Variants in ZBTB17 observed in about 807,000 individuals in gnomAD.
ZBTB17 encodes the protein zinc finger and BTB domain-containing protein 17.
ZBTB17 carries 24 observed loss-of-function variants against 85.1 expected under a neutral mutation model. The observed-to-expected ratio is 0.28, with a 90% CI of 0.20 to 0.40. The LOEUF (loss-of-function observed/expected upper bound fraction) is 0.40, where lower values mean the gene tolerates loss of function less well. Among genes scored for constraint, ZBTB17 ranks in the 10% least tolerant of loss-of-function variants. ZBTB17 has a pLI of 1.00. For missense variants in ZBTB17, 743 were observed against 1,105.1 expected, an observed-to-expected ratio of 0.67 and a Z score of 4.65; for synonymous variants, 464 against 460.2, an observed-to-expected ratio of 1.01 and a Z score of -0.11.
rs1459399652 is a variant in ZBTB17 at position 15,971,531 on chromosome 1, CTATATATATACACACACACTATA to C, written c.-3+1485_-3+1507del. On this transcript the variant is annotated intron_variant, in intron 2 of 15. Transcript: ENST00000375743. ...CACACACTATATATATACACACACA[CTATATATATACACACACACTATA>C]TATATACACACACACTATATATATA... Among the ~76,000 whole-genome samples, 297 of 136,622 alleles carry C rather than the reference CTATATATATACACACACACTATA, an allele frequency of 2.2e-3. 3 individuals are homozygous for C. The highest frequency in any genetic ancestry group is 3.6e-3 in the Non-Finnish European group (228 of 64,056). 89.6% of individuals were successfully genotyped at this position (136,622 alleles called of 152,430 possible). A position where few individuals can be genotyped will look rare whatever the true frequency, so the allele number is the denominator to read the frequency against.
Position 15,944,708 on chromosome 1 carries a change from C to T in ZBTB17, c.1059G>A (p.Glu353=). 3.7e-6 allele frequency: 6 copies of T among 1,608,874 alleles called. No homozygotes were observed. Among genetic ancestry groups the T allele is most frequent in the Non-Finnish European group, 4.2e-6 (5 of 1,179,876 alleles). Residue 353 remains glutamate (E), a synonymous_variant, in exon 8 of 16, where the codon GAG becomes GAA. Coordinates refer to ENST00000375743, the MANE Select transcript of ZBTB17 (RefSeq NM_003443.3). ...FSDPAACKAH[E]KTHSPLKPYG... ...GCTTGGGGCAGTACCTGTGCGTCTT[C>T]TCATGGGCCTTGCACGCGGCCGGGT... is the stretch of plus-strand genomic sequence containing the variant.
At chr1:15,950,764 T>A (rs1016131913) in intron 2 of ZBTB17, among the ~76,000 whole-genome samples, 8 of 152,032 alleles carry the variant, frequency 5.3e-5, no homozygotes, top group Admixed American at 5.2e-4. Flanking sequence ...AGGAAAACCA[T>A]CTGACTTGCC....
Position 15,942,376 on chromosome 1 carries a change from G to C in ZBTB17, c.2083C>G (p.Leu695Val). The C allele has an allele frequency of 1.9e-6, 3 of 1,613,882 alleles. No homozygotes were observed. The highest frequency in any genetic ancestry group is 2.5e-6 in the Non-Finnish European group (3 of 1,180,042). Residue 695 changes from leucine to valine, a missense_variant, in exon 15 of 16, where the codon CTG becomes GTG. Coordinates refer to ENST00000375743, the MANE Select transcript of ZBTB17 (RefSeq NM_003443.3). ...AAVTADETEV[L>V]KAEISKAVKQ... ...ACAGCTTTGCTGATCTCGGCCTTCA[G>C]GACTTCCGTCTCATCGGCTGTCACT...
intron 2 of ZBTB17, among the ~76,000 whole-genome samples, chr1:15,957,851 C>G (rs900621539): frequency 1.3e-5 from 2 of 152,074 alleles, no homozygotes; most frequent in African/African-American, 4.8e-5. Flanking sequence ...AGACACTGGC[C>G]CAGTGGCGGT....
In ZBTB17 at chr1:15,945,040, T is replaced by G; in HGVS notation, c.824A>C (p.Asp275Ala). The change falls in exon 7 of 16, where the codon GAC (aspartate) becomes GCC (alanine). Residue 275 changes from aspartate (D) to alanine (A), a missense_variant. Transcript: ENST00000375743. ...ENENEESAGT[D>A]SGQELGSEAR... is the part of the protein sequence containing the mutation. ...CTCGGAGCCGAGCTCCTGCCCCGAGTCTGTGCCCGCTGACTCCTCATTCTC... is the reference window on the plus strand; with the variant it reads ...CTCGGAGCCGAGCTCCTGCCCCGAGGCTGTGCCCGCTGACTCCTCATTCTC... 1 of 1,609,218 alleles carries G rather than the reference T, an allele frequency of 6.2e-7. No individual in the cohort carries two copies. Among genetic ancestry groups the G allele is most frequent in the Non-Finnish European group, 8.5e-7 (1 of 1,178,634 alleles).
At chr1:15,955,507 C>G (rs1360960687) in intron 2 of ZBTB17, among the ~76,000 whole-genome samples, 1 of 152,154 alleles carries the variant, frequency 6.6e-6, no homozygotes, top group African/African-American at 2.4e-5. Context: ...TCACTGCTAT[C>G]TCTACACAGT....
At chr1:15,969,835 T>C (rs2072579891) in intron 2 of ZBTB17, 2 of 557,736 alleles carry the variant, frequency 3.6e-6, no homozygotes, top group South Asian at 3.1e-5. Context: ...CACCATGCTG[T>C]TTTTTATCAT....
intron 2 of ZBTB17, among the ~76,000 whole-genome samples, chr1:15,957,496 C>T (rs1355063771): frequency 6.6e-6 from 1 of 151,920 alleles, no homozygotes; most frequent in Non-Finnish European, 1.5e-5. Flanking sequence ...GGGCTGAGCT[C>T]GCCCAGGGTC....
rs776018191 is a variant in ZBTB17, at chr1:15,944,684, C to T, written c.1070+13G>A. The T allele has an allele frequency of 6.2e-6, 10 of 1,605,556 alleles. No homozygotes were observed. Among genetic ancestry groups the T allele is most frequent in the Non-Finnish European group, 8.5e-6 (10 of 1,179,762 alleles). On this transcript the variant is annotated intron_variant, in intron 8 of 15. Coordinates refer to ENST00000375743, the MANE Select transcript of ZBTB17 (RefSeq NM_003443.3). ...GGCAGGGGCCGGGGTAGGAGGCCGGCTTGGGGCAGTACCTGTGCGTCTTCT... is the reference window on the plus strand; with the variant it reads ...GGCAGGGGCCGGGGTAGGAGGCCGGTTTGGGGCAGTACCTGTGCGTCTTCT...
At chr1:15,969,987 C>T (rs1401502629) in intron 2 of ZBTB17, 4 of 850,702 alleles carry the variant, frequency 4.7e-6, no homozygotes, top group African/African-American at 1.7e-5. Flanking sequence ...AGAGAAGCTA[C>T]AAAATATGTT....
rs1444737590 is a variant in ZBTB17, at chr1:15,943,919, G to A, written c.1372-24C>T. 2.5e-6 allele frequency: 4 copies of A among 1,572,768 alleles called. No homozygotes were observed. In the African/African-American group the frequency reaches 5.4e-5, roughly 21 times the overall value. On this transcript the variant is annotated intron_variant, in intron 9 of 15. Transcript: ENST00000375743. ...ACCTGTGCCCAGGGAGGGGTCAGGG[G>A]GGCCACCCCACAGAGCTCGGCCCCG...
chr1:15,962,673 C>T (rs1377513431), intron 2 of ZBTB17, among the ~76,000 whole-genome samples: 2 of 152,224 alleles, frequency 1.3e-5, no homozygotes, highest in Non-Finnish European at 2.9e-5. Context: ...AAACAGAATA[C>T]CGGGTTCAAC....
At position 15,941,992 on chromosome 1, in the gene ZBTB17, C is replaced by T. The variant is rs757257242; in HGVS notation, c.2389G>A (p.Glu797Lys). The change falls in exon 16 of 16, where the codon GAA becomes AAA. Residue 797 changes from glutamate to lysine, a missense_variant. Physicochemically the swap from Glu to Lys is moderately conservative, Grantham distance 56. This residue lies in a region of ZBTB17 where 69 missense variants were observed against 77.0 expected (regional missense o/e 0.90). Coordinates refer to ENST00000375743, the MANE Select transcript of ZBTB17 (RefSeq NM_003443.3). ...ALAETSPTAP[E>K]CPPPAE is the part of the protein sequence containing the mutation. Reference sequence around the variant, plus strand: ...GCTCACTCGGCAGGCGGGGGACATTCAGGAGCTGTAGGGGAGGTCTCTGCC... The same window carrying T: ...GCTCACTCGGCAGGCGGGGGACATTTAGGAGCTGTAGGGGAGGTCTCTGCC... 3 of 1,600,076 alleles carry T rather than the reference C, an allele frequency of 1.9e-6. No individual in the cohort carries two copies.
Position 15,966,389 on chromosome 1 carries a change from AT to A in ZBTB17, c.-3+6649del, listed in dbSNP as rs149687393. ...CCTTTCAAGACCAGAAGCTGAGTAGATTTTTGATGTTACAATGAACCCACTA... is the reference window on the plus strand; with the variant it reads ...CCTTTCAAGACCAGAAGCTGAGTAGATTTTGATGTTACAATGAACCCACTA... On this transcript the variant is annotated intron_variant, in intron 2 of 15. Coordinates refer to ENST00000375743, the MANE Select transcript of ZBTB17 (RefSeq NM_003443.3). This position sits in a 1 kb window ranked among gnomAD's most constrained non-coding sequence, Gnocchi z 4.1. 0.063 allele frequency among the ~76,000 whole-genome samples: 9,656 copies of A among 152,122 alleles called. 371 individuals carry two copies. Among genetic ancestry groups the A allele is most frequent in the Non-Finnish European group, 0.074 (5,050 of 67,990 alleles).
rs1475335299 is a variant in ZBTB17 at position 15,964,196 on chromosome 1, CAATT to C, written c.-3+8839_-3+8842del. Among the ~76,000 whole-genome samples, 1 of 151,700 alleles carries C rather than the reference CAATT, an allele frequency of 6.6e-6. No individual in the cohort carries two copies. Among genetic ancestry groups the C allele is most frequent in the Non-Finnish European group, 1.5e-5 (1 of 67,948 alleles). On this transcript the variant is annotated intron_variant, in intron 2 of 15. Coordinates refer to ENST00000375743, the MANE Select transcript of ZBTB17 (RefSeq NM_003443.3). The surrounding 1 kb of genome is among the most constrained non-coding windows in gnomAD (Gnocchi z 4.3). The stretch of plus-strand genomic sequence containing the variant: ...ATAAAAGTGGAAGAGAAAGTGATAG[CAATT>C]AAAGTGTTCTCAGGTCCTCACTGTT...
chr1:15,968,202 A>C (rs142382593), intron 2 of ZBTB17, among the ~76,000 whole-genome samples: 70 of 152,336 alleles, frequency 4.6e-4, no homozygotes, highest in Middle Eastern at 6.8e-3. Context: ...GTCAGAGTTC[A>C]CCATGTCTAT....
chr1:15,975,327 A>G (rs534574382), intron 1 of ZBTB17, among the ~76,000 whole-genome samples: 1 of 152,348 alleles, frequency 6.6e-6, no homozygotes, highest in South Asian at 2.1e-4. Context: ...GAAAAAGCCA[A>G]AAGTGCCTAA....
chr1:15,976,091 G>T lies in ZBTB17; in HGVS notation c.-198C>A. ...GGCGCCGCCATGTTAGAGTCGGGCGGAACCGACCTCGCAGGCTTCCCGGCT... is the reference window on the plus strand; with the variant it reads ...GGCGCCGCCATGTTAGAGTCGGGCGTAACCGACCTCGCAGGCTTCCCGGCT... On this transcript the variant is annotated 5_prime_UTR_variant, in exon 1 of 16. Transcript: ENST00000375743. 1.5e-6 allele frequency: 1 copy of T among 681,124 alleles called. No homozygotes were observed. The highest frequency in any genetic ancestry group is 1.8e-5 in the African/African-American group (1 of 56,088). The allele number at this position is 681,124 out of a possible 1,614,324, so 42.2% of individuals were successfully genotyped here. A position where few individuals can be genotyped will look rare whatever the true frequency, so the allele number is the denominator to read the frequency against.
At chr1:15,969,571 G>A (rs2072566598) in intron 2 of ZBTB17, 1 of 390,610 alleles carries the variant, frequency 2.6e-6, no homozygotes, top group African/African-American at 2.1e-5. Context: ...CATGGGGTGG[G>A]AAGTGTGAGG....
Sources: allele counts gnomAD v4.1 joint callset (sites outside exome capture counted in the v4.1 genomes callset), GRCh38; gene constraint gnomAD v4.1.1; regional missense constraint gnomAD v4.1.1; non-coding constraint Gnocchi (gnomAD v3.1); transcripts MANE v1.5; gene names NCBI Gene and HGNC (gene_info 2026-07-23, HGNC 2026-07-21).